Variants in HLA-F observed in about 807,000 individuals in gnomAD.
HLA-F encodes HLA class I histocompatibility antigen, alpha chain F.
HLA-F carries 46 observed loss-of-function variants against 49.5 expected under a neutral mutation model. The observed-to-expected ratio is 0.93, with a 90% CI of 0.73 to 1.19. The LOEUF is 1.19. Among genes scored for constraint, HLA-F ranks in the 50% most tolerant of loss-of-function variants. The pLI is 0.00. For missense variants in HLA-F, 496 were observed against 579.6 expected, an observed-to-expected ratio of 0.86 and a Z score of 1.48; for synonymous variants, 203 against 233.5, an observed-to-expected ratio of 0.87 and a Z score of 1.19.
intron 3 of HLA-F, 53 bp from the exon 4 acceptor site, chr6:29,724,978 C>T: frequency 1.3e-6 from 2 of 1,583,624 alleles, no homozygotes; most frequent in Non-Finnish European, 1.7e-6. Flanking sequence ...ATGGGTGCTG[C>T]TGGGGTTTCC....
intron 3 of HLA-F, among the ~76,000 whole-genome samples, chr6:29,737,079 G>C (rs985864687): frequency 1.7e-4 from 26 of 152,040 alleles, no homozygotes; most frequent in African/African-American, 5.8e-4. Flanking sequence ...ATGAAAGACT[G>C]AGACTTTTGC....
At chr6:29,736,705 GTC>G in intron 3 of HLA-F, 1 of 263,686 alleles carries the variant, frequency 3.8e-6, no homozygotes. Flanking sequence ...GATTAGTTCT[GTC>G]AGTTCTGGAC....
downstream of HLA-F, among the ~76,000 whole-genome samples, chr6:29,732,186 C>G (rs1235716927): frequency 6.6e-6 from 1 of 151,770 alleles, no homozygotes; most frequent in Non-Finnish European, 1.5e-5. Flanking sequence ...CCAGGCTGGT[C>G]TTGAACTTCT....
At chr6:29,731,004 A>G (rs1610600), downstream of HLA-F, among the ~76,000 whole-genome samples, 124,299 of 149,892 alleles carry the variant, frequency 0.83, 51,734 homozygotes, top group East Asian at 0.98. Flanking sequence ...CACACCATTC[A>G]AGTCTCTGTT....
chr6:29,726,054 G>A lies in HLA-F; in HGVS notation c.1036+11G>A, dbSNP rs775536685. On this transcript the variant is annotated intron_variant, in intron 6 of 6. Coordinates refer to ENST00000259951, the MANE Select transcript of HLA-F (RefSeq NM_001098479.2). ...ACTCTCAGGCTGCAGGTAAGATGAA[G>A]GAGGCTGATCCCTGAGATTGTTGGG... 12 of 1,613,018 alleles carry A rather than the reference G, an allele frequency of 7.4e-6. No individual in the cohort carries two copies. The South Asian group carries it at 1.1e-4, about 15-fold the overall frequency.
Position 29,723,672 on chromosome 6 carries a change from A to G in HLA-F, c.79A>G (p.Arg27Gly). 2 of 1,610,212 alleles carry G rather than the reference A, an allele frequency of 1.2e-6. No homozygotes were observed. The highest frequency in any genetic ancestry group is 1.7e-6 in the Non-Finnish European group (2 of 1,178,860). ...TDTWAGSHSL[R>G]YFSTAVSRPG... ...CTCGCCCCCAGGCTCCCACTCCTTG[A>G]GGTATTTCAGCACCGCTGTGTCGCG... Residue 27 changes from arginine (R) to glycine (G), a missense_variant, in exon 2 of 7, where the codon AGG becomes GGG. Transcript: ENST00000259951.
downstream of HLA-F, among the ~76,000 whole-genome samples, chr6:29,730,549 G>A (rs1381602030): frequency 2.0e-5 from 3 of 152,114 alleles, no homozygotes; most frequent in African/African-American, 4.8e-5. Flanking sequence ...AAATTACATG[G>A]TATGTATGTT....
Position 29,723,708 on chromosome 6 carries a change from G to C in HLA-F, c.115G>C (p.Gly39Arg). 1 of 1,611,718 alleles carries C rather than the reference G, an allele frequency of 6.2e-7. No homozygotes were observed. Among genetic ancestry groups the C allele is most frequent in the Non-Finnish European group, 8.5e-7 (1 of 1,179,702 alleles). The stretch of plus-strand genomic sequence containing the variant: ...CACCGCTGTGTCGCGGCCCGGCCGC[G>C]GGGAGCCCCGCTACATCGCCGTGGA... Reference protein sequence around the residue: ...FSTAVSRPGRGEPRYIAVEYV... With the variant: ...FSTAVSRPGRREPRYIAVEYV... Residue 39 changes from glycine to arginine, a missense_variant, in exon 2 of 7, where the codon GGG becomes CGG. Physicochemically the swap from Gly to Arg is moderately radical, Grantham distance 125. Transcript: ENST00000259951.
intron 6 of HLA-F, 95 bp from the exon 7 acceptor site, chr6:29,726,788 C>A: frequency 7.0e-7 from 1 of 1,422,248 alleles, no homozygotes; most frequent in Non-Finnish European, 9.8e-7. Context: ...ACATCAATGT[C>A]ACAAACTTCT....
chr6:29,723,901 T>C lies in HLA-F; in HGVS notation c.308T>C (p.Leu103Pro), dbSNP rs751837865. The C allele has an allele frequency of 1.1e-5, 17 of 1,584,604 alleles. No individual in the cohort carries two copies. In the East Asian group the frequency reaches 3.7e-4, roughly 35 times the overall value. ...GACCGAGTGGCCCTGAGGAACCTGCTCCGCCGCTACAACCAGAGCGAGGCT... is the reference window on the plus strand; with the variant it reads ...GACCGAGTGGCCCTGAGGAACCTGCCCCGCCGCTACAACCAGAGCGAGGCT... ...QTDRVALRNL[L>P]RRYNQSEAGS... Residue 103 changes from leucine (L) to proline (P), a missense_variant, in exon 2 of 7, where the codon CTC (leucine) becomes CCC (proline). Leu to Pro is a moderately conservative substitution (Grantham distance 98). Transcript: ENST00000259951.
chr6:29,730,037 T>G (rs1776436937), downstream of HLA-F, among the ~76,000 whole-genome samples: 1 of 152,108 alleles, frequency 6.6e-6, no homozygotes, highest in South Asian at 2.1e-4. Context: ...ACAATTTCCA[T>G]AGGAGCCAAC....
chr6:29,736,436 AT>A (rs1444154354), intron 3 of HLA-F: 2 of 453,188 alleles, frequency 4.4e-6, no homozygotes, highest in African/African-American at 4.0e-5. Flanking sequence ...ACTTTCAGTA[AT>A]GGAGATTCTA....
downstream of HLA-F, among the ~76,000 whole-genome samples, chr6:29,730,290 GA>G (rs559413011): frequency 4.6e-5 from 7 of 152,274 alleles, no homozygotes; most frequent in South Asian, 1.5e-3. Flanking sequence ...AAATGAGCCA[GA>G]AACAAAAAGA....
Position 29,725,052 on chromosome 6 carries a change from C to T in HLA-F, c.632C>T (p.Ala211Val). The T allele has an allele frequency of 6.2e-7, 1 of 1,613,796 alleles. No individual in the cohort carries two copies. The highest frequency in any genetic ancestry group is 1.7e-4 in the Middle Eastern group (1 of 6,052). ...TCAGATCCTCCAAAGGCACACGTTGCCCACCACCCCATCTCTGACCATGAG... is the reference window on the plus strand; with the variant it reads ...TCAGATCCTCCAAAGGCACACGTTGTCCACCACCCCATCTCTGACCATGAG... ...QRADPPKAHV[A>V]HHPISDHEAT... is the part of the protein sequence containing the mutation. Residue 211 changes from alanine (A) to valine (V), a missense_variant, in exon 4 of 7, where the codon GCC becomes GTC. Ala to Val is a moderately conservative substitution (Grantham distance 64, BLOSUM62 0). Coordinates refer to ENST00000259951, the MANE Select transcript of HLA-F (RefSeq NM_001098479.2).
chr6:29,738,250 A>G (rs1044238783), intron 4 of HLA-F: 3 of 152,254 alleles, frequency 2.0e-5, no homozygotes, highest in Admixed American at 6.5e-5. Flanking sequence ...TGCACTGCTC[A>G]TGAGCCCAGG....
downstream of HLA-F, among the ~76,000 whole-genome samples, chr6:29,731,278 T>TAGATAGATAGATAGAG (rs1554229368): frequency 1.7e-4 from 26 of 151,160 alleles, no homozygotes; most frequent in Admixed American, 2.6e-4. Context: ...GATAGATAGA[T>TAGATAGATAGATAGAG]AGACAAGAGG....
chr6:29,731,519 C>A (rs1776611687), downstream of HLA-F, among the ~76,000 whole-genome samples: 1 of 114,722 alleles, frequency 8.7e-6, no homozygotes, highest in African/African-American at 3.2e-5. Flanking sequence ...AAAAGTGTCC[C>A]AGATTGAGAG....
intron 6 of HLA-F, 80 bp downstream of exon 6, chr6:29,726,123 G>A: frequency 7.4e-7 from 1 of 1,356,388 alleles, no homozygotes; most frequent in Non-Finnish European, 1.1e-6. Context: ...CCACCCCACA[G>A]TTCCTCTAGC....
At chr6:29,728,622 G>A (rs1776323894), downstream of HLA-F, 1 of 152,218 alleles carries the variant, frequency 6.6e-6, no homozygotes. Context: ...AAGGCAGAGT[G>A]TCCACCAATG....
Sources: gnomAD v4.1 joint callset for allele counts (sites outside exome capture counted in the v4.1 genomes callset) on GRCh38, gnomAD v4.1.1 for gene constraint, MANE v1.5 for transcripts, NCBI Gene and HGNC (gene_info 2026-07-23, HGNC 2026-07-21) for gene names.